The following ACBD6 variants were observed in gnomAD, a reference collection of about 807,000 sequenced individuals.
ACBD6 encodes acyl-CoA-binding domain-containing protein 6.
A neutral mutation model predicts 37.2 loss-of-function variants in ACBD6; 28 were observed. That is an observed-to-expected ratio of 0.75 (90% CI 0.56 to 1.03). The LOEUF is 1.03. Among genes scored for constraint, ACBD6 ranks in the 50% least tolerant of loss-of-function variants. ACBD6 has a pLI of 0.00. For synonymous variants in ACBD6, 113 were observed against 126.8 expected, an observed-to-expected ratio of 0.89 and a Z score of 0.73; for missense variants, 340 against 337.4, an observed-to-expected ratio of 1.01 and a Z score of -0.06.
intron 9 of ACBD6, chr1:180,276,422 C>G (rs1233546732): frequency 6.6e-6 from 1 of 152,174 alleles, no homozygotes; most frequent in Non-Finnish European, 1.5e-5. Flanking sequence ...ATAGCGTACC[C>G]TCGTTTTTTG....
At chr1:180,274,969 A>G (rs995516927) in exon 10 of ACBD6, 6 of 180,254 alleles carry the variant, frequency 3.3e-5, no homozygotes, top group Non-Finnish European at 7.0e-5. Context: ...AATGCCTCCC[A>G]AAACACTGCT....
intron 6 of ACBD6, among the ~76,000 whole-genome samples, chr1:180,332,102 C>A (rs1002779386): frequency 2.0e-4 from 31 of 152,146 alleles, no homozygotes; most frequent in African/African-American, 7.5e-4. Context: ...ACACCAGAAG[C>A]CCGAAGAGGC....
chr1:180,280,223 G>A (rs1649266939), intron 9 of ACBD6, among the ~76,000 whole-genome samples: 1 of 152,138 alleles, frequency 6.6e-6, no homozygotes, highest in Non-Finnish European at 1.5e-5. Flanking sequence ...TTAGCTATTA[G>A]TTATCCTGGA....
At chr1:180,397,945 T>C (rs1390512244) in intron 5 of ACBD6, among the ~76,000 whole-genome samples, 1 of 151,812 alleles carries the variant, frequency 6.6e-6, no homozygotes, top group Non-Finnish European at 1.5e-5. Flanking sequence ...CCCAGCTACT[T>C]GGGAGGATGA....
chr1:180,487,311 C>G (rs1651309703), intron 3 of ACBD6, among the ~76,000 whole-genome samples: 2 of 151,768 alleles, frequency 1.3e-5, no homozygotes, highest in South Asian at 4.2e-4. Flanking sequence ...CACTGCCAAC[C>G]CAAAATATTA....
chr1:180,284,903 G>A (rs112026890), downstream of ACBD6, among the ~76,000 whole-genome samples: 6,569 of 152,122 alleles, frequency 0.043, 454 homozygotes, highest in African/African-American at 0.14. Context: ...TGTAATCCCA[G>A]CACTTTGGGA....
intron 3 of ACBD6, among the ~76,000 whole-genome samples, chr1:180,451,636 T>G (rs189204428): frequency 4.6e-5 from 7 of 152,316 alleles, no homozygotes; most frequent in Admixed American, 4.6e-4. Flanking sequence ...AAAGACTACA[T>G]GTGATATTCC....
intron 3 of ACBD6, among the ~76,000 whole-genome samples, chr1:180,490,272 T>C (rs1212085814): frequency 1.3e-5 from 2 of 152,216 alleles, no homozygotes; most frequent in Non-Finnish European, 2.9e-5. Flanking sequence ...CCTCAGAACC[T>C]TGAGAAACAT....
At chr1:180,299,782 A>C (rs1026781595) in intron 7 of ACBD6, among the ~76,000 whole-genome samples, 1 of 152,044 alleles carries the variant, frequency 6.6e-6, no homozygotes, top group African/African-American at 2.4e-5. Context: ...CCAGTGGAGG[A>C]AGAGGAGGGG....
intron 5 of ACBD6, among the ~76,000 whole-genome samples, chr1:180,403,598 G>GA (rs544363985): frequency 3.0e-4 from 45 of 151,860 alleles, no homozygotes; most frequent in South Asian, 1.2e-3. Flanking sequence ...GATTCTTGGG[G>GA]AAAAAAAATC....
intron 3 of ACBD6, among the ~76,000 whole-genome samples, chr1:180,455,981 C>T (rs1571534750): frequency 6.6e-6 from 1 of 152,154 alleles, no homozygotes; most frequent in Admixed American, 6.5e-5. Flanking sequence ...GAGGCCAAGG[C>T]GGGCGGATCA....
intron 4 of ACBD6, among the ~76,000 whole-genome samples, chr1:180,414,536 T>C (rs1322342670): frequency 2.0e-5 from 3 of 152,218 alleles, no homozygotes; most frequent in Non-Finnish European, 4.4e-5. Flanking sequence ...GCCGCTTAAG[T>C]ATTTTATTGA....
intron 6 of ACBD6, among the ~76,000 whole-genome samples, chr1:180,323,747 A>C (rs1052542162): frequency 6.6e-6 from 1 of 151,948 alleles, no homozygotes; most frequent in Non-Finnish European, 1.5e-5. Flanking sequence ...ACTGGGATGG[A>C]ATATCTTTTT....
chr1:180,356,148 C>T (rs1337474015), intron 6 of ACBD6, among the ~76,000 whole-genome samples: 1 of 151,792 alleles, frequency 6.6e-6, no homozygotes, highest in Non-Finnish European at 1.5e-5. Context: ...GCTGGGATTA[C>T]AGGCGTGAGC....
intron 7 of ACBD6, among the ~76,000 whole-genome samples, chr1:180,292,148 T>G (rs1649732708): frequency 6.6e-6 from 1 of 152,190 alleles, no homozygotes; most frequent in Non-Finnish European, 1.5e-5. Flanking sequence ...TTGTTTTGAT[T>G]ATTCTAGGTC....
chr1:180,435,415 A>ATTTT (rs57053936), intron 3 of ACBD6: 5 of 294,422 alleles, frequency 1.7e-5, no homozygotes, highest in Non-Finnish European at 2.5e-5. Context: ...CGCCTGGCTA[A>ATTTT]TTTTTTTTTT....
chr1:180,354,130 T>G (rs1652530061), intron 6 of ACBD6, among the ~76,000 whole-genome samples: 1 of 152,216 alleles, frequency 6.6e-6, no homozygotes. Flanking sequence ...CAATCTGCAG[T>G]TTGATCCGAT....
At chr1:180,402,633 C>G (rs906410979) in intron 5 of ACBD6, among the ~76,000 whole-genome samples, 1 of 151,988 alleles carries the variant, frequency 6.6e-6, no homozygotes, top group Non-Finnish European at 1.5e-5. Flanking sequence ...GAAACCCCAT[C>G]TCTACAAAAA....
chr1:180,327,025 T>C (rs1367879134), intron 6 of ACBD6, among the ~76,000 whole-genome samples: 2 of 152,178 alleles, frequency 1.3e-5, no homozygotes, highest in Non-Finnish European at 2.9e-5. Context: ...CCCTAGCTGA[T>C]GTCTCCCTAG....
Sources: allele counts gnomAD v4.1 joint callset (sites outside exome capture counted in the v4.1 genomes callset), GRCh38; gene constraint gnomAD v4.1.1; transcripts MANE v1.5; gene names NCBI Gene and HGNC (gene_info 2026-07-23, HGNC 2026-07-21).